Variants in DENND1B observed in about 807,000 individuals in gnomAD.
DENND1B encodes DENN domain-containing protein 1B.
DENND1B carries 59 observed loss-of-function variants against 90.1 expected under a neutral mutation model. The observed-to-expected ratio is 0.65, with a 90% CI of 0.53 to 0.81. The LOEUF (loss-of-function observed/expected upper bound fraction) is 0.81. DENND1B is among the 40% of genes least tolerant of loss of function. DENND1B has a pLI of 0.00. For synonymous variants in DENND1B, 337 were observed against 324.6 expected, an observed-to-expected ratio of 1.04 and a Z score of -0.41; for missense variants, 862 against 912.6, an observed-to-expected ratio of 0.94 and a Z score of 0.71.
chr1:197,607,544 T>C (rs1361434750), intron 12 of DENND1B, among the ~76,000 whole-genome samples: 1 of 150,886 alleles, frequency 6.6e-6, no homozygotes, highest in Non-Finnish European at 1.5e-5. Flanking sequence ...TATACCTATG[T>C]TTAGCATAAA....
At chr1:197,702,312 T>C (rs1008205363) in intron 3 of DENND1B, among the ~76,000 whole-genome samples, 2 of 152,208 alleles carry the variant, frequency 1.3e-5, no homozygotes, top group African/African-American at 4.8e-5. Flanking sequence ...GATTTAATAA[T>C]GTTAAGGACA....
At chr1:197,552,333 TAATG>T in intron 16 of DENND1B, 1 of 985,324 alleles carries the variant, frequency 1.0e-6, no homozygotes, top group Non-Finnish European at 1.2e-6. Context: ...ACTCAGCAAA[TAATG>T]AATGAACACG....
intron 15 of DENND1B, among the ~76,000 whole-genome samples, chr1:197,558,051 A>T (rs561244959): frequency 6.6e-6 from 1 of 152,034 alleles, no homozygotes; most frequent in Non-Finnish European, 1.5e-5. Context: ...TTATTATTAT[A>T]AGTAATGACA....
chr1:197,738,258 T>C (rs1662895824), intron 2 of DENND1B, among the ~76,000 whole-genome samples: 1 of 152,232 alleles, frequency 6.6e-6, no homozygotes, highest in East Asian at 1.9e-4. Context: ...ATTTTGAATT[T>C]AAGGTGCTAT....
At chr1:197,524,103 G>C (rs961758828) in intron 20 of DENND1B, among the ~76,000 whole-genome samples, 6 of 152,018 alleles carry the variant, frequency 3.9e-5, no homozygotes, top group African/African-American at 1.4e-4. Context: ...AGGAAGAAGA[G>C]AGCAGGAAAA....
intron 2 of DENND1B, among the ~76,000 whole-genome samples, chr1:197,736,941 A>G (rs1571558002): frequency 6.6e-6 from 1 of 152,256 alleles, no homozygotes; most frequent in East Asian, 1.9e-4. Context: ...TACTTCATAA[A>G]TGAGATTTCT....
At chr1:197,517,805 T>G (rs1668504232) in intron 20 of DENND1B, among the ~76,000 whole-genome samples, 1 of 151,890 alleles carries the variant, frequency 6.6e-6, no homozygotes, top group Non-Finnish European at 1.5e-5. Flanking sequence ...TGCTCCACAC[T>G]ACTAAACCGT....
At chr1:197,766,507 G>A (rs540365004) in intron 2 of DENND1B, among the ~76,000 whole-genome samples, 2 of 152,272 alleles carry the variant, frequency 1.3e-5, no homozygotes, top group South Asian at 2.1e-4. Flanking sequence ...AATGGTTATA[G>A]ATGAGTTTTA....
intron 2 of DENND1B, among the ~76,000 whole-genome samples, chr1:197,755,250 T>C (rs184211998): frequency 1.1e-4 from 17 of 152,304 alleles, no homozygotes; most frequent in African/African-American, 4.1e-4. Context: ...TGTGCTCCAG[T>C]TTCCTCAAAC....
intron 10 of DENND1B, among the ~76,000 whole-genome samples, chr1:197,641,997 T>C (rs1680311022): frequency 6.6e-6 from 1 of 152,134 alleles, no homozygotes; most frequent in Non-Finnish European, 1.5e-5. Flanking sequence ...TCTAAAACTA[T>C]ATTTAAATTT....
At chr1:197,555,402 C>G (rs1277597530) in intron 15 of DENND1B, among the ~76,000 whole-genome samples, 1 of 151,992 alleles carries the variant, frequency 6.6e-6, no homozygotes, top group Non-Finnish European at 1.5e-5. Flanking sequence ...GCAAAAGAAA[C>G]TATCAATGGA....
At chr1:197,547,873 T>C (rs189956521) in intron 16 of DENND1B, among the ~76,000 whole-genome samples, 5 of 152,320 alleles carry the variant, frequency 3.3e-5, no homozygotes, top group East Asian at 3.9e-4. Flanking sequence ...ATTATTCATA[T>C]ATGTTTCTGT....
At chr1:197,555,300 G>A (rs1362695355) in intron 15 of DENND1B, among the ~76,000 whole-genome samples, 2 of 152,002 alleles carry the variant, frequency 1.3e-5, no homozygotes, top group Non-Finnish European at 2.9e-5. Context: ...ACTTGCCTAG[G>A]CAAATAACCT....
intron 2 of DENND1B, chr1:197,757,455 A>G: frequency 6.6e-6 from 1 of 152,212 alleles, no homozygotes; most frequent in East Asian, 1.9e-4. Flanking sequence ...ACCCCAGGCC[A>G]TTTACCTCCT....
intron 18 of DENND1B, among the ~76,000 whole-genome samples, chr1:197,542,002 T>C (rs995201544): frequency 3.3e-5 from 5 of 152,172 alleles, no homozygotes; most frequent in Admixed American, 3.3e-4. Flanking sequence ...AAAATAATTG[T>C]TGTCCCATGT....
intron 20 of DENND1B, among the ~76,000 whole-genome samples, chr1:197,519,120 T>C (rs1157147654): frequency 6.6e-6 from 1 of 152,012 alleles, no homozygotes. Flanking sequence ...GTTTTGTATC[T>C]GTCAGCATAT....
At chr1:197,680,119 G>A (rs1656525784) in intron 3 of DENND1B, among the ~76,000 whole-genome samples, 1 of 152,024 alleles carries the variant, frequency 6.6e-6, no homozygotes, top group African/African-American at 2.4e-5. Flanking sequence ...AGGTGACAGG[G>A]ACCCTCTCTC....
At chr1:197,763,070 G>A (rs554400414) in intron 2 of DENND1B, among the ~76,000 whole-genome samples, 5 of 152,190 alleles carry the variant, frequency 3.3e-5, no homozygotes, top group Admixed American at 2.6e-4. Flanking sequence ...CAGCACTTTG[G>A]GAGGCCAAGG....
At chr1:197,519,109 G>A (rs1264592521) in intron 20 of DENND1B, among the ~76,000 whole-genome samples, 1 of 151,800 alleles carries the variant, frequency 6.6e-6, no homozygotes, top group Admixed American at 6.6e-5. Flanking sequence ...TGGATATTAT[G>A]GTTTTGTATC....
Sources: allele counts gnomAD v4.1 joint callset (sites outside exome capture counted in the v4.1 genomes callset), GRCh38; gene constraint gnomAD v4.1.1; transcripts MANE v1.5; gene names NCBI Gene and HGNC (gene_info 2026-07-23, HGNC 2026-07-21).